TBC1D8: variants seen among roughly 807,000 people sequenced by gnomAD.
TBC1D8 encodes BUB2-like protein 1.
A neutral mutation model predicts 118.8 loss-of-function variants in TBC1D8; 65 were observed. The ratio of observed to expected loss-of-function variants is 0.55; its 90% CI spans 0.45 to 0.67. The LOEUF (loss-of-function observed/expected upper bound fraction) is 0.67, where lower values mean the gene tolerates loss of function less well. Among genes scored for constraint, TBC1D8 ranks in the 30% least tolerant of loss-of-function variants. The pLI is 0.00. For synonymous variants in TBC1D8, 566 were observed against 595.8 expected, an observed-to-expected ratio of 0.95 and a Z score of 0.73; for missense variants, 1,376 against 1,471.2, an observed-to-expected ratio of 0.94 and a Z score of 1.06.
intron 6 of TBC1D8, 90 bp downstream of exon 6, chr2:101,040,088 T>C: frequency 6.9e-7 from 1 of 1,454,746 alleles, no homozygotes; most frequent in Non-Finnish European, 9.4e-7. Context: ...CCGTCTGAAC[T>C]TCCCCTCCCA....
intron 15 of TBC1D8, chr2:101,023,884 A>C (rs1275972499): frequency 5.9e-6 from 1 of 169,524 alleles, no homozygotes; most frequent in Non-Finnish European, 1.4e-5. Flanking sequence ...GCAAGCTCAT[A>C]TCCTCAAAGA....
At position 101,029,548 on chromosome 2, in the gene TBC1D8, T is replaced by C. The variant is rs372742073; in HGVS notation, c.2165A>G (p.Asn722Ser). 9.3e-6 allele frequency: 15 copies of C among 1,613,882 alleles called. No individual in the cohort carries two copies. The highest frequency in any genetic ancestry group is 1.3e-5 in the Non-Finnish European group (15 of 1,179,890). Residue 722 changes from asparagine (N) to serine (S), a missense_variant, in exon 12 of 20, where the codon AAT (asparagine) becomes AGT (serine). By Grantham distance (46) the Asn-to-Ser change is conservative (BLOSUM62 1). Transcript: ENST00000409318. ...CTTGCTGCTGCACAGGTCCTCAGCA[T>C]TGGCCTCAAGCACAGCCAGTCCCAG... ...FQLGLAVLEA[N>S]AEDLCSSKDD...
intron 7 of TBC1D8, among the ~76,000 whole-genome samples, chr2:101,037,989 G>T (rs897052053): frequency 6.6e-6 from 1 of 152,138 alleles, no homozygotes; most frequent in East Asian, 1.9e-4. Context: ...TCAGCTTATG[G>T]ACAGGAGGAC....
Position 101,029,888 on chromosome 2 carries a change from C to A in TBC1D8, c.1937-112G>T, listed in dbSNP as rs957097622. 29 of 1,155,902 alleles carry A rather than the reference C, an allele frequency of 2.5e-5. No homozygotes were observed. The African/African-American group carries it at 4.3e-4, about 17-fold the overall frequency. The allele number at this position is 1,155,902 out of a possible 1,614,324, so 71.6% of individuals were successfully genotyped here. ...AGAACAAAGAGATGGAATTTGAGTC[C>A]AGAAAAGCGTCCATGCTTAGTTCAT... On this transcript the variant is annotated intron_variant, in intron 11 of 19. Coordinates refer to ENST00000409318, the MANE Select transcript of TBC1D8 (RefSeq NM_001330348.2).
intron 2 of TBC1D8, among the ~76,000 whole-genome samples, chr2:101,069,682 AAAT>A (rs1231091844): frequency 6.6e-6 from 1 of 152,186 alleles, no homozygotes. Flanking sequence ...ATATTCATAT[AAAT>A]AATATAAAAA....
intron 9 of TBC1D8, among the ~76,000 whole-genome samples, chr2:101,034,501 G>A (rs893963385): frequency 3.3e-5 from 5 of 152,230 alleles, no homozygotes; most frequent in Admixed American, 6.5e-5. Context: ...GAAGTGCCCA[G>A]CCCAGAAAAC....
At chr2:101,044,098 T>TTCA in intron 5 of TBC1D8, among the ~76,000 whole-genome samples, 1 of 152,224 alleles carries the variant, frequency 6.6e-6, no homozygotes, top group African/African-American at 2.4e-5. Flanking sequence ...CCATTCCCCT[T>TTCA]TCAGGGCTGT....
Position 101,027,523 on chromosome 2 carries a change from C to G in TBC1D8, c.2452-72G>C, listed in dbSNP as rs145378270. 9,110 of 1,391,822 alleles carry G rather than the reference C, an allele frequency of 6.5e-3. 52 individuals are homozygous for G. Among genetic ancestry groups the G allele is most frequent in the South Asian group, 0.013 (1,101 of 86,028 alleles). The allele number at this position is 1,391,822 out of a possible 1,614,324, so 86.2% of individuals were successfully genotyped here. On this transcript the variant is annotated intron_variant, in intron 14 of 19. Coordinates refer to ENST00000409318, the MANE Select transcript of TBC1D8 (RefSeq NM_001330348.2). ...CCCCAGGGGTCAGGGCAAGAGGGGA[C>G]TCTTCCTCCTGAAGGGGACACAAGG...
chr2:101,068,667 C>A, intron 2 of TBC1D8: 1 of 454,776 alleles, frequency 2.2e-6, no homozygotes, highest in South Asian at 2.5e-5. Flanking sequence ...TGGATGATAC[C>A]TTAGCACTTT....
chr2:101,045,588 G>C (rs1246358178), intron 5 of TBC1D8, among the ~76,000 whole-genome samples: 1 of 152,230 alleles, frequency 6.6e-6, no homozygotes, highest in Non-Finnish European at 1.5e-5. Context: ...AGAAAGCCTG[G>C]AGCCATGGCT....
intron 1 of TBC1D8, among the ~76,000 whole-genome samples, chr2:101,139,552 T>C (rs1028890407): frequency 1.3e-5 from 2 of 152,056 alleles, no homozygotes; most frequent in African/African-American, 4.8e-5. Flanking sequence ...TCAGGGAAAA[T>C]ACACTGCTGA....
intron 17 of TBC1D8, among the ~76,000 whole-genome samples, chr2:101,015,767 C>G (rs560037529): frequency 6.6e-6 from 1 of 152,224 alleles, no homozygotes; most frequent in South Asian, 2.1e-4. Flanking sequence ...GAAACAACGC[C>G]GCATATCCAC....
intron 2 of TBC1D8, among the ~76,000 whole-genome samples, chr2:101,061,385 T>C (rs1209689949): frequency 6.6e-6 from 1 of 152,134 alleles, no homozygotes; most frequent in Admixed American, 6.5e-5. Context: ...AGTAGGACTG[T>C]TGTTCTGAGC....
intron 17 of TBC1D8, 76 bp downstream of exon 17, chr2:101,021,605 G>A (rs1038661668): frequency 6.6e-5 from 68 of 1,026,506 alleles, no homozygotes; most frequent in Non-Finnish European, 9.1e-5. Context: ...AAAGAGAAGA[G>A]CTTCAGAGTC....
At chr2:101,110,112 C>T in intron 1 of TBC1D8, 1 of 657,582 alleles carries the variant, frequency 1.5e-6, no homozygotes, top group Non-Finnish European at 1.9e-6. Context: ...AATTAGGGCC[C>T]AAATAGAGGC....
Position 101,008,288 on chromosome 2 carries a change from A to AGTC in TBC1D8, c.3016-18_3016-16dup, listed in dbSNP as rs377158619. 1.3e-6 allele frequency: 2 copies of AGTC among 1,504,060 alleles called. No individual in the cohort carries two copies. The highest frequency in any genetic ancestry group is 1.8e-6 in the Non-Finnish European group (2 of 1,128,368). 93.2% of individuals were successfully genotyped at this position (1,504,060 alleles called of 1,614,324 possible). A position where few individuals can be genotyped will look rare whatever the true frequency, so the allele number is the denominator to read the frequency against. ...ATAAATTCTCTCTGAAATTGAAATA[A>AGTC]GTCTTAGGTAGCAGCAGAACCAGGG... On this transcript the variant is annotated splice_polypyrimidine_tract_variant and intron_variant, in intron 19 of 19. Transcript: ENST00000409318.
At chr2:101,068,451 C>T (rs115612031) in intron 2 of TBC1D8, 1 of 347,656 alleles carries the variant, frequency 2.9e-6, no homozygotes, top group African/African-American at 2.2e-5. Context: ...TCAGATATAG[C>T]GAAAGTGAAG....
intron 1 of TBC1D8, among the ~76,000 whole-genome samples, chr2:101,135,595 T>C (rs1573100801): frequency 6.6e-6 from 1 of 152,332 alleles, no homozygotes; most frequent in East Asian, 1.9e-4. Flanking sequence ...TTCAGCGATA[T>C]GCACTGTCCA....
intron 17 of TBC1D8, chr2:101,017,761 A>G: frequency 1.5e-6 from 2 of 1,359,196 alleles, no homozygotes; most frequent in Non-Finnish European, 2.0e-6. Context: ...GACAAAAAGG[A>G]TAAGATGTTA....
Sources: gnomAD v4.1 joint callset for allele counts (sites outside exome capture counted in the v4.1 genomes callset) on GRCh38, gnomAD v4.1.1 for gene constraint, MANE v1.5 for transcripts, NCBI Gene and HGNC (gene_info 2026-07-23, HGNC 2026-07-21) for gene names.